LHFPL6: variants seen among roughly 807,000 people sequenced by gnomAD.
LHFPL6 encodes the protein LHFPL tetraspan subfamily member 6, also known as LHFPL tetraspan subfamily member 6 protein.
A neutral mutation model predicts 20.6 loss-of-function variants in LHFPL6; 9 were observed. That is an observed-to-expected ratio of 0.44 (90% CI 0.26 to 0.76). The LOEUF (loss-of-function observed/expected upper bound fraction) is 0.76. Among genes scored for constraint, LHFPL6 ranks in the 30% least tolerant of loss-of-function variants. The probability of loss-of-function intolerance (pLI) is 0.20; values close to 1 mark genes in which losing one functional copy is unlikely to be tolerated. For synonymous variants in LHFPL6, 105 were observed against 98.7 expected, an observed-to-expected ratio of 1.06 and a Z score of -0.38; for missense variants, 218 against 253.5, an observed-to-expected ratio of 0.86 and a Z score of 0.95.
chr13:39,352,960 TACAC>T (rs1306962467), intron 3 of LHFPL6, among the ~76,000 whole-genome samples: 3 of 86,824 alleles, frequency 3.5e-5, no homozygotes, highest in Non-Finnish European at 4.2e-5. Context: ...TATACATACA[TACAC>T]ACACACACAT....
chr13:39,405,952 C>T (rs578069639), intron 2 of LHFPL6, among the ~76,000 whole-genome samples: 195 of 152,212 alleles, frequency 1.3e-3, no homozygotes, highest in African/African-American at 4.3e-3. Flanking sequence ...CGGAATTTGT[C>T]CAAGGTATTT....
At chr13:39,415,749 A>T (rs753970435) in intron 2 of LHFPL6, among the ~76,000 whole-genome samples, 4 of 152,236 alleles carry the variant, frequency 2.6e-5, no homozygotes, top group Non-Finnish European at 5.9e-5. Context: ...GGGAGAATAA[A>T]TACAACAAGC....
intron 2 of LHFPL6, among the ~76,000 whole-genome samples, chr13:39,512,014 A>T (rs1266012204): frequency 6.6e-6 from 1 of 152,206 alleles, no homozygotes. Flanking sequence ...CCATGAGACG[A>T]CCTATTAACA....
intron 2 of LHFPL6, among the ~76,000 whole-genome samples, chr13:39,478,176 A>T (rs555044795): frequency 3.9e-5 from 6 of 152,190 alleles, no homozygotes; most frequent in African/African-American, 7.2e-5. Context: ...CTAAGAAGTG[A>T]GGATCCCTGC....
rs118031318 is a variant in LHFPL6, at chr13:39,351,870, C to A, written c.485-7816G>T. On this transcript the variant is annotated intron_variant, in intron 3 of 3. Coordinates refer to ENST00000379589, the MANE Select transcript of LHFPL6 (RefSeq NM_005780.3). The stretch of plus-strand genomic sequence containing the variant: ...CCTCACTTCTGATTTTTGTATGTTA[C>A]GTTCCTTTTTTGTCTATAAATTTGT... 3.9e-3 allele frequency among the ~76,000 whole-genome samples: 596 copies of A among 152,294 alleles called. 3 individuals are homozygous for A. Among genetic ancestry groups the A allele is most frequent in the Admixed American group, 6.5e-3 (100 of 15,298 alleles).
intron 2 of LHFPL6, among the ~76,000 whole-genome samples, chr13:39,379,350 T>A (rs1376327898): frequency 2.0e-5 from 3 of 152,152 alleles, no homozygotes; most frequent in Admixed American, 2.0e-4. Flanking sequence ...GAAAGTAAGA[T>A]CTTGTTGTGT....
At chr13:39,488,168 T>G (rs1267493476) in intron 2 of LHFPL6, among the ~76,000 whole-genome samples, 1 of 152,142 alleles carries the variant, frequency 6.6e-6, no homozygotes, top group Non-Finnish European at 1.5e-5. Context: ...AAGGGCACAG[T>G]GAGAAGGCAC....
chr13:39,368,403 GA>G (rs1430495519), intron 3 of LHFPL6, among the ~76,000 whole-genome samples: 1 of 152,060 alleles, frequency 6.6e-6, no homozygotes, highest in Non-Finnish European at 1.5e-5. Flanking sequence ...CCACCATGGT[GA>G]AACCCTGTCT....
chr13:39,579,702 C>G (rs1872220727), intron 2 of LHFPL6, among the ~76,000 whole-genome samples: 1 of 152,182 alleles, frequency 6.6e-6, no homozygotes, highest in East Asian at 1.9e-4. Context: ...GCTCCGAAAC[C>G]CCTCAATTGA....
intron 2 of LHFPL6, among the ~76,000 whole-genome samples, chr13:39,566,077 C>A (rs922538694): frequency 3.9e-5 from 6 of 152,028 alleles, no homozygotes; most frequent in African/African-American, 1.4e-4. Context: ...CTTGAAAAAC[C>A]ATGTATACTT....
chr13:39,485,576 A>AG lies in LHFPL6; in HGVS notation c.386-107051dup, dbSNP rs367729235. Among the ~76,000 whole-genome samples the AG allele has an allele frequency of 4.3e-3, 657 of 152,274 alleles. 4 individuals carry two copies. The highest frequency in any genetic ancestry group is 0.015 in the African/African-American group (614 of 41,558). ...CTAGAGAAGAAAACAGAGTAAAATAAGGTTTCCCAGCATTCTACCTTGGAA... is the reference window on the plus strand; with the variant it reads ...CTAGAGAAGAAAACAGAGTAAAATAAGGGTTTCCCAGCATTCTACCTTGGAA... On this transcript the variant is annotated intron_variant, in intron 2 of 3. Transcript: ENST00000379589.
At chr13:39,420,409 T>G (rs1871451353) in intron 2 of LHFPL6, among the ~76,000 whole-genome samples, 1 of 152,132 alleles carries the variant, frequency 6.6e-6, no homozygotes, top group Non-Finnish European at 1.5e-5. Flanking sequence ...GACAAGCACT[T>G]AAAAGAACTG....
At position 39,484,210 on chromosome 13, in the gene LHFPL6, A is replaced by G. The variant is rs991583908; in HGVS notation, c.386-105684T>C. Among the ~76,000 whole-genome samples the G allele has an allele frequency of 4.6e-5, 7 of 152,168 alleles. No individual in the cohort carries two copies. In the South Asian group the frequency reaches 1.2e-3, roughly 27 times the overall value. ...CCTACAAAAGCACTTCATATCCAAC[A>G]AAGTGTGGCCGGAATGAACTTTTGA... On this transcript the variant is annotated intron_variant, in intron 2 of 3. Transcript: ENST00000379589.
intron 2 of LHFPL6, among the ~76,000 whole-genome samples, chr13:39,581,704 A>C (rs1031754554): frequency 2.0e-5 from 3 of 151,662 alleles, no homozygotes; most frequent in African/African-American, 7.3e-5. Flanking sequence ...TTTTATTGCA[A>C]TCTATTCCAG....
At chr13:39,562,700 A>C (rs1206700039) in intron 2 of LHFPL6, among the ~76,000 whole-genome samples, 9 of 150,896 alleles carry the variant, frequency 6.0e-5, no homozygotes, top group Admixed American at 6.0e-4. Flanking sequence ...ACACACATAT[A>C]TATATATACA....
At chr13:39,576,699 T>C (rs1189133608) in intron 2 of LHFPL6, among the ~76,000 whole-genome samples, 9 of 152,102 alleles carry the variant, frequency 5.9e-5, no homozygotes, top group Non-Finnish European at 1.3e-4. Context: ...AGTGGGGTGA[T>C]CATGGCTCAC....
At chr13:39,354,822 A>G (rs1159898045) in intron 3 of LHFPL6, among the ~76,000 whole-genome samples, 1 of 152,100 alleles carries the variant, frequency 6.6e-6, no homozygotes, top group Non-Finnish European at 1.5e-5. Flanking sequence ...CTCAAAGACC[A>G]GTCTGATGAA....
At chr13:39,546,181 G>A (rs1870977708) in intron 2 of LHFPL6, among the ~76,000 whole-genome samples, 1 of 152,054 alleles carries the variant, frequency 6.6e-6, no homozygotes. Flanking sequence ...CTCATGATGA[G>A]ATTAGATATA....
At chr13:39,536,793 A>G (rs1281910810) in intron 2 of LHFPL6, among the ~76,000 whole-genome samples, 1 of 152,244 alleles carries the variant, frequency 6.6e-6, no homozygotes, top group African/African-American at 2.4e-5. Flanking sequence ...GTCAGTAATT[A>G]ATCCAGTTCT....
Sources: allele counts gnomAD v4.1 joint callset (sites outside exome capture counted in the v4.1 genomes callset), GRCh38; gene constraint gnomAD v4.1.1; transcripts MANE v1.5; gene names NCBI Gene and HGNC (gene_info 2026-07-23, HGNC 2026-07-21).